Variants in SLC12A8 observed in about 807,000 individuals in gnomAD.
SLC12A8 encodes the protein cation-chloride cotransporter 9.
In SLC12A8, 69 loss-of-function variants were observed where a neutral mutation model predicts 75.6. The observed-to-expected ratio is 0.91, with a 90% CI of 0.75 to 1.11. The LOEUF (loss-of-function observed/expected upper bound fraction) is 1.11, where lower values mean the gene tolerates loss of function less well. SLC12A8 is among the 50% of genes most tolerant of loss of function. The pLI is 0.00. For missense variants in SLC12A8, 877 were observed against 896.7 expected (o/e 0.98, Z 0.28); for synonymous variants, 365 against 372.8 (o/e 0.98, Z 0.24).
intron 7 of SLC12A8, among the ~76,000 whole-genome samples, chr3:125,119,375 A>C (rs978351369): frequency 6.6e-6 from 1 of 152,224 alleles, no homozygotes; most frequent in Non-Finnish European, 1.5e-5. Context: ...CGGGCCTCTA[A>C]GTCCTGCTGG....
intron 11 of SLC12A8, among the ~76,000 whole-genome samples, chr3:125,091,767 A>G (rs1182898274): frequency 3.3e-5 from 5 of 152,196 alleles, no homozygotes; most frequent in Non-Finnish European, 5.9e-5. Context: ...CTTTAATTAA[A>G]ACTATCAACT....
At chr3:125,200,067 G>A (rs879635757) in intron 2 of SLC12A8, among the ~76,000 whole-genome samples, 1 of 152,158 alleles carries the variant, frequency 6.6e-6, no homozygotes, top group Admixed American at 6.5e-5. Context: ...GGGAATAGAA[G>A]TGAAGGAAGA....
At chr3:125,129,832 T>C (rs1176371581) in intron 6 of SLC12A8, among the ~76,000 whole-genome samples, 5 of 152,188 alleles carry the variant, frequency 3.3e-5, no homozygotes, top group African/African-American at 4.8e-5. Flanking sequence ...AAACCATTCG[T>C]CCTGCCTATT....
At chr3:125,143,925 G>A (rs1023685092) in intron 5 of SLC12A8, among the ~76,000 whole-genome samples, 2 of 152,250 alleles carry the variant, frequency 1.3e-5, no homozygotes, top group Non-Finnish European at 2.9e-5. Flanking sequence ...CCTCATTTGT[G>A]AAAGGAAAGA....
At chr3:125,198,265 A>AAT in intron 2 of SLC12A8, among the ~76,000 whole-genome samples, 1 of 148,438 alleles carries the variant, frequency 6.7e-6, no homozygotes, top group East Asian at 1.9e-4. Flanking sequence ...TTAAAAAAAA[A>AAT]AAAACAAAAC....
Position 125,107,916 on chromosome 3 carries a change from C to A in SLC12A8, c.1270G>T (p.Ala424Ser), listed in dbSNP as rs766218616. The change falls in exon 10 of 14, where the codon GCA becomes TCA. Residue 424 changes from alanine to serine, a missense_variant. Coordinates refer to ENST00000469902, the MANE Select transcript of SLC12A8 (RefSeq NM_024628.6). The stretch of plus-strand genomic sequence containing the variant: ...TGCTCAGAGCAGTGGAGGCCTTCTG[C>A]GCCCTCCCTGAGCACCGGCTCAGGC... ...PVPEPVLREGAEGLHCSEHLL... is the reference protein window; with the variant it reads ...PVPEPVLREGSEGLHCSEHLL... 14 of 1,614,046 alleles carry A rather than the reference C, an allele frequency of 8.7e-6. No homozygotes were observed. The highest frequency in any genetic ancestry group is 2.2e-5 in the South Asian group (2 of 91,086).
chr3:125,194,084 G>A (rs1934959483), intron 2 of SLC12A8, among the ~76,000 whole-genome samples: 1 of 152,232 alleles, frequency 6.6e-6, no homozygotes, highest in Non-Finnish European at 1.5e-5. Flanking sequence ...GAGGATGAGG[G>A]GGATAAGAAA....
intron 5 of SLC12A8, among the ~76,000 whole-genome samples, chr3:125,172,274 T>TAA (rs34741672): frequency 0.018 from 2,567 of 145,664 alleles, 46 homozygotes; most frequent in Non-Finnish European, 0.022. Context: ...AACTCCTTCT[T>TAA]AAAAAAAAAA....
chr3:125,140,876 C>A (rs752984684), intron 5 of SLC12A8, among the ~76,000 whole-genome samples: 18 of 152,158 alleles, frequency 1.2e-4, no homozygotes, highest in Non-Finnish European at 2.5e-4. Flanking sequence ...TGAGCCACCA[C>A]GTCTAGCCTC....
chr3:125,189,350 T>C (rs1934862951), intron 3 of SLC12A8, among the ~76,000 whole-genome samples: 1 of 152,200 alleles, frequency 6.6e-6, no homozygotes, highest in Admixed American at 6.5e-5. Flanking sequence ...CTCTGGAGAA[T>C]CCTGACTAGT....
chr3:125,116,590 T>C (rs61413643), intron 8 of SLC12A8, among the ~76,000 whole-genome samples: 18 of 152,310 alleles, frequency 1.2e-4, no homozygotes, highest in East Asian at 1.2e-3. Flanking sequence ...CTGCTGTTTG[T>C]GGCCTTCCTT....
chr3:125,180,720 T>C (rs562965569), intron 4 of SLC12A8, among the ~76,000 whole-genome samples: 39 of 152,322 alleles, frequency 2.6e-4, no homozygotes, highest in Non-Finnish European at 4.9e-4. Context: ...GACTTTGTTA[T>C]TATTCGCTGC....
rs73859146 is a variant in SLC12A8, at chr3:125,209,565, C to A, written c.51+1734G>T. On this transcript the variant is annotated intron_variant, in intron 2 of 13. Coordinates refer to ENST00000469902, the MANE Select transcript of SLC12A8 (RefSeq NM_024628.6). Reference sequence around the variant, plus strand: ...GGTAAGTTCAGTTCAGTAGAACCAACACTGATGGGGCAACTTCTATACACA... The same window carrying A: ...GGTAAGTTCAGTTCAGTAGAACCAAAACTGATGGGGCAACTTCTATACACA... 8.5e-3 allele frequency among the ~76,000 whole-genome samples: 1,298 copies of A among 152,314 alleles called. 15 individuals are homozygous for A. The highest frequency in any genetic ancestry group is 0.03 in the African/African-American group (1,239 of 41,556).
intron 5 of SLC12A8, among the ~76,000 whole-genome samples, chr3:125,167,046 G>A (rs373806897): frequency 3.9e-5 from 6 of 152,148 alleles, no homozygotes; most frequent in African/African-American, 1.4e-4. Flanking sequence ...GAGCTCTGAA[G>A]CAAAACTGGC....
chr3:125,107,868 TG>T lies in SLC12A8; in HGVS notation c.1317del (p.Ser440ValfsTer29). 1 of 1,614,144 alleles carries T rather than the reference TG, an allele frequency of 6.2e-7. No individual in the cohort carries two copies. The highest frequency in any genetic ancestry group is 1.3e-5 in the African/African-American group (1 of 75,018). ...CSEHLLLEKA[P>X]SYGSEGPAQR... The stretch of plus-strand genomic sequence containing the variant: ...TGGGCAGGTCCCTCAGAGCCGTAAC[TG>T]GGAGCTTTCTCTAAGAGCAGGTGCT... On this transcript the variant is annotated frameshift_variant, in exon 10 of 14. Coordinates refer to ENST00000469902, the MANE Select transcript of SLC12A8 (RefSeq NM_024628.6). LOFTEE classifies it high-confidence loss of function.
intron 5 of SLC12A8, among the ~76,000 whole-genome samples, chr3:125,141,586 G>A (rs1032604208): frequency 6.6e-6 from 1 of 152,204 alleles, no homozygotes; most frequent in Non-Finnish European, 1.5e-5. Context: ...AGAGGGAGTC[G>A]GGAAGTCATA....
chr3:125,208,791 CAGAGAGAG>C (rs1287670719), intron 2 of SLC12A8, among the ~76,000 whole-genome samples: 14 of 84,182 alleles, frequency 1.7e-4, no homozygotes, highest in African/African-American at 3.8e-4. Flanking sequence ...CACACACACA[CAGAGAGAG>C]AGAGAGAGAG....
intron 6 of SLC12A8, among the ~76,000 whole-genome samples, chr3:125,124,365 C>A (rs755391334): frequency 2.0e-5 from 3 of 151,966 alleles, no homozygotes; most frequent in Non-Finnish European, 4.4e-5. Flanking sequence ...TTCCCTCTGT[C>A]GCCCAAGCTG....
chr3:125,170,758 C>CA (rs1934390777), intron 5 of SLC12A8, among the ~76,000 whole-genome samples: 1 of 152,014 alleles, frequency 6.6e-6, no homozygotes, highest in African/African-American at 2.4e-5. Context: ...ACTAAAAATA[C>CA]AAAAAAATTA....
Sources: allele counts gnomAD v4.1 joint callset (sites outside exome capture counted in the v4.1 genomes callset), GRCh38; gene constraint gnomAD v4.1.1; transcripts MANE v1.5; gene names NCBI Gene and HGNC (gene_info 2026-07-23, HGNC 2026-07-21).